The following PCDHGB3 variants were observed in gnomAD, a reference collection of about 807,000 sequenced individuals.
PCDHGB3 encodes the protein protocadherin gamma subfamily B, 3.
PCDHGB3 carries 40 observed loss-of-function variants against 59.2 expected under a neutral mutation model. That is an observed-to-expected ratio of 0.68 (90% CI 0.52 to 0.88). The LOEUF is 0.88. PCDHGB3 is among the 40% of genes least tolerant of loss of function. The pLI is 0.00. For missense variants in PCDHGB3, 1,309 were observed against 1,187.9 expected (o/e 1.10, Z -1.50); for synonymous variants, 581 against 503.6 (o/e 1.15, Z -2.06).
chr5:141,374,477 C>A lies in PCDHGB3; in HGVS notation c.2415+1668C>A, dbSNP rs376389009. 3 of 1,611,808 alleles carry A rather than the reference C, an allele frequency of 1.9e-6. No individual in the cohort carries two copies. In the East Asian group the frequency reaches 6.7e-5, roughly 36 times the overall value. ...AGTGGACATTAATGACAATACACCC[C>A]GATTCTTAAAGGAAGAATTGGAAGT... On this transcript the variant is annotated intron_variant, in intron 1 of 3. Transcript: ENST00000576222.
chr5:141,420,494 C>A (rs978136090), intron 1 of PCDHGB3: 1 of 499,510 alleles, frequency 2.0e-6, no homozygotes, highest in Non-Finnish European at 3.1e-6. Context: ...GGGTAATCTC[C>A]GGTGACATTT....
In PCDHGB3 at chr5:141,370,851, G is replaced by T. The variant is rs903944197; in HGVS notation, c.457G>T (p.Ala153Ser). The change falls in exon 1 of 4, where the codon GCC (alanine) becomes TCC (serine). Residue 153 changes from alanine to serine, a missense_variant. Physicochemically the swap from Ala to Ser is moderately conservative, Grantham distance 99. Transcript: ENST00000576222. ...SELALTGATF[A>S]LESAQDPDVG... ...ACTGGCTCTCACTGGAGCCACATTT[G>T]CCCTGGAATCTGCGCAAGATCCTGA... 1 of 1,614,018 alleles carries T rather than the reference G, an allele frequency of 6.2e-7. No homozygotes were observed. The highest frequency in any genetic ancestry group is 8.5e-7 in the Non-Finnish European group (1 of 1,179,902).
At position 141,493,444 on chromosome 5, in the gene PCDHGB3, G is replaced by T. The variant is rs2099748313; in HGVS notation, c.2416-1363G>T. On this transcript the variant is annotated intron_variant, in intron 1 of 3. Transcript: ENST00000576222. This position sits in a 1 kb window ranked among gnomAD's most constrained non-coding sequence, Gnocchi z 4.3. ...GCTTCTGCTGGGATGGGGCAAGGGT[G>T]GGGTTCCTTCCCTTTTAGGACCTTA... Among the ~76,000 whole-genome samples, 1 of 152,174 alleles carries T rather than the reference G, an allele frequency of 6.6e-6. No homozygotes were observed. Among genetic ancestry groups the T allele is most frequent in the South Asian group, 2.1e-4 (1 of 4,826 alleles).
rs1053132512 is a variant in PCDHGB3 at position 141,409,714 on chromosome 5, C to A, written c.2415+36905C>A. The A allele has an allele frequency of 3.7e-6, 6 of 1,613,108 alleles. No individual in the cohort carries two copies. The African/African-American group carries it at 8.0e-5, about 22-fold the overall frequency. On this transcript the variant is annotated intron_variant, in intron 1 of 3. Transcript: ENST00000576222. ...TAGAGCCCCTGGCGGTGTCGTCATACGTGTCAGTGAGCGCGCAGAGCGGGG... is the reference window on the plus strand; with the variant it reads ...TAGAGCCCCTGGCGGTGTCGTCATAAGTGTCAGTGAGCGCGCAGAGCGGGG...
At chr5:141,398,612 T>G in intron 1 of PCDHGB3, 1 of 1,614,024 alleles carries the variant, frequency 6.2e-7, no homozygotes, top group Non-Finnish European at 8.5e-7. Flanking sequence ...GATGCAGATA[T>G]TGGCTTAAAC....
At chr5:141,444,774 AT>A (rs2098446962) in intron 1 of PCDHGB3, among the ~76,000 whole-genome samples, 1 of 152,018 alleles carries the variant, frequency 6.6e-6, no homozygotes, top group Non-Finnish European at 1.5e-5. Context: ...TATATTCTTG[AT>A]CATGTTTCAT....
At position 141,485,791 on chromosome 5, in the gene PCDHGB3, G is replaced by A; in HGVS notation, c.2416-9016G>A. The A allele has an allele frequency of 6.2e-7, 1 of 1,614,196 alleles. No homozygotes were observed. The highest frequency in any genetic ancestry group is 8.5e-7 in the Non-Finnish European group (1 of 1,180,032). ...AGCCTTTGGATCGAGAGAAGCAATC[G>A]GACTACCGCCTGGTGCTGACTGCTG... On this transcript the variant is annotated intron_variant, in intron 1 of 3. Transcript: ENST00000576222. The surrounding 1 kb of genome is among the most constrained non-coding windows in gnomAD (Gnocchi z 5.7).
rs766795269 is a variant in PCDHGB3, at chr5:141,394,804, T to C, written c.2415+21995T>C. Reference sequence around the variant, plus strand: ...GCCACTGTCACGCTCACCGTAGCCGTGGCTGACAGCATCCCCGAAGTCCTG... The same window carrying C: ...GCCACTGTCACGCTCACCGTAGCCGCGGCTGACAGCATCCCCGAAGTCCTG... On this transcript the variant is annotated intron_variant, in intron 1 of 3. Coordinates refer to ENST00000576222, the MANE Select transcript of PCDHGB3 (RefSeq NM_018924.5). 8 of 1,613,850 alleles carry C rather than the reference T, an allele frequency of 5.0e-6. No individual in the cohort carries two copies. In the South Asian group the frequency reaches 6.6e-5, roughly 13 times the overall value.
At chr5:141,499,570 A>C (rs1027373056) in intron 2 of PCDHGB3, among the ~76,000 whole-genome samples, 2 of 152,200 alleles carry the variant, frequency 1.3e-5, no homozygotes, top group Non-Finnish European at 2.9e-5. Flanking sequence ...TCCAGCTTCA[A>C]CTAATGCCTT....
At position 141,491,798 on chromosome 5, in the gene PCDHGB3, G is replaced by A. The variant is rs1269524283; in HGVS notation, c.2416-3009G>A. 1 of 1,506,648 alleles carries A rather than the reference G, an allele frequency of 6.6e-7. No homozygotes were observed. The highest frequency in any genetic ancestry group is 8.9e-7 in the Non-Finnish European group (1 of 1,128,050). The allele number at this position is 1,506,648 out of a possible 1,614,324, so 93.3% of individuals were successfully genotyped here. ...TTGAACTTGCATCCACTCCTCTCCG[G>A]CCGGCTTGGTCGCTGGCTGCGCTCC... On this transcript the variant is annotated intron_variant, in intron 1 of 3. Coordinates refer to ENST00000576222, the MANE Select transcript of PCDHGB3 (RefSeq NM_018924.5). This position sits in a 1 kb window ranked among gnomAD's most constrained non-coding sequence, Gnocchi z 6.9.
In PCDHGB3 at chr5:141,389,878, G is replaced by A. The variant is rs1369885786; in HGVS notation, c.2415+17069G>A. On this transcript the variant is annotated intron_variant, in intron 1 of 3. Coordinates refer to ENST00000576222, the MANE Select transcript of PCDHGB3 (RefSeq NM_018924.5). ...ACGTTGCACCTGGTCTTCGCCGACA[G>A]CTTGCAGGAGGTGCTGCCGGATATC... The A allele has an allele frequency of 6.2e-7, 1 of 1,613,972 alleles. No individual in the cohort carries two copies. The highest frequency in any genetic ancestry group is 1.3e-5 in the African/African-American group (1 of 74,952).
chr5:141,477,080 A>C lies in PCDHGB3; in HGVS notation c.2416-17727A>C. 1 of 1,614,254 alleles carries C rather than the reference A, an allele frequency of 6.2e-7. No homozygotes were observed. ...GGACACCAAACTCCATGAGATTTAC[A>C]TCCAGGCCAAAGACAAGGGCGCCAA... On this transcript the variant is annotated intron_variant, in intron 1 of 3. Coordinates refer to ENST00000576222, the MANE Select transcript of PCDHGB3 (RefSeq NM_018924.5). This position sits in a 1 kb window ranked among gnomAD's most constrained non-coding sequence, Gnocchi z 4.9.
chr5:141,466,415 C>T (rs995296505), intron 1 of PCDHGB3, among the ~76,000 whole-genome samples: 6 of 152,136 alleles, frequency 3.9e-5, no homozygotes, highest in Non-Finnish European at 8.8e-5. Context: ...ATTTTTCAGT[C>T]AGAATTGTGT....
In PCDHGB3 at chr5:141,453,631, T is replaced by C. The variant is rs114710858; in HGVS notation, c.2416-41176T>C. On this transcript the variant is annotated intron_variant, in intron 1 of 3. Transcript: ENST00000576222. ...AACGCAAAAACAAAACCTATACATATTTATATTTTCTTATGTCCTCTTCTT... is the reference window on the plus strand; with the variant it reads ...AACGCAAAAACAAAACCTATACATACTTATATTTTCTTATGTCCTCTTCTT... Among the ~76,000 whole-genome samples the C allele has an allele frequency of 8.2e-3, 1,249 of 152,332 alleles. 7 individuals are homozygous for C. Among genetic ancestry groups the C allele is most frequent in the Non-Finnish European group, 0.013 (893 of 68,030 alleles).
intron 1 of PCDHGB3, among the ~76,000 whole-genome samples, chr5:141,456,842 A>G (rs1374546355): frequency 6.6e-6 from 1 of 152,150 alleles, no homozygotes; most frequent in African/African-American, 2.4e-5. Flanking sequence ...GGGCGCCTGT[A>G]ATCCCAGCTA....
intron 1 of PCDHGB3, among the ~76,000 whole-genome samples, chr5:141,447,047 T>C (rs529082157): frequency 1.3e-5 from 2 of 152,342 alleles, no homozygotes; most frequent in African/African-American, 4.8e-5. Flanking sequence ...TCTGGAATTC[T>C]ATTAAAATGT....
At chr5:141,393,166 G>A in intron 1 of PCDHGB3, 2 of 1,613,244 alleles carry the variant, frequency 1.2e-6, no homozygotes, top group Non-Finnish European at 1.7e-6. Flanking sequence ...AAACTCTTTG[G>A]GGTAGAAATA....
At chr5:141,470,037 G>C (rs76537989) in intron 1 of PCDHGB3, among the ~76,000 whole-genome samples, 14 of 152,138 alleles carry the variant, frequency 9.2e-5, no homozygotes, top group Non-Finnish European at 1.5e-4. Flanking sequence ...GCTGAGGCGC[G>C]AGAACTGTTT....
intron 1 of PCDHGB3, among the ~76,000 whole-genome samples, chr5:141,463,418 C>T (rs1442067485): frequency 3.6e-5 from 5 of 138,240 alleles, no homozygotes; most frequent in Admixed American, 2.9e-4. Flanking sequence ...TCCTAGTTTG[C>T]GGATCCTCAT....
Sources: allele counts gnomAD v4.1 joint callset (sites outside exome capture counted in the v4.1 genomes callset), GRCh38; gene constraint gnomAD v4.1.1; non-coding constraint Gnocchi (gnomAD v3.1); transcripts MANE v1.5; gene names NCBI Gene and HGNC (gene_info 2026-07-23, HGNC 2026-07-21).